The following GNG4 variants were observed in gnomAD, a reference collection of about 807,000 sequenced individuals.
GNG4 encodes guanine nucleotide-binding protein G(I)/G(S)/G(O) subunit gamma-4.
A neutral mutation model predicts 5.8 loss-of-function variants in GNG4; 4 were observed. The observed-to-expected ratio is 0.69, with a 90% CI of 0.34 to 1.57. The LOEUF is 1.57. Ranked by LOEUF, GNG4 falls within the 40% of genes most tolerant of loss-of-function variation. The pLI, the probability that GNG4 is intolerant of heterozygous loss-of-function variation, is 0.06. For synonymous variants in GNG4, 29 were observed against 32.9 expected (o/e 0.88, Z 0.41); for missense variants, 96 against 95.1 (o/e 1.01, Z -0.04).
chr1:235,617,123 T>A (rs971083136), intron 1 of GNG4, among the ~76,000 whole-genome samples: 4 of 152,118 alleles, frequency 2.6e-5, no homozygotes, highest in Non-Finnish European at 4.4e-5. Context: ...GTTAGAAATA[T>A]CAAGAGGTGA....
Position 235,555,555 on chromosome 1 carries a change from G to A in GNG4, c.100-3318C>T, listed in dbSNP as rs59685555. Among the ~76,000 whole-genome samples the A allele has an allele frequency of 6.0e-3, 907 of 151,620 alleles. 7 individuals carry two copies. Among genetic ancestry groups the A allele is most frequent in the African/African-American group, 0.021 (856 of 41,350 alleles). On this transcript the variant is annotated intron_variant, in intron 3 of 3. Transcript: ENST00000391854. ...TTAGCCAGGCATGATAGTGCACACC[G>A]GCAGTCCCAGCTACTTGGGAGGCTG... is the stretch of plus-strand genomic sequence containing the variant.
At chr1:235,553,166 G>A (rs1686799274) in intron 3 of GNG4, among the ~76,000 whole-genome samples, 1 of 152,198 alleles carries the variant, frequency 6.6e-6, no homozygotes, top group African/African-American at 2.4e-5. Context: ...GAAGCCTGCT[G>A]GCGCATGGCA....
At chr1:235,602,341 G>A (rs1688273718) in intron 1 of GNG4, among the ~76,000 whole-genome samples, 1 of 152,184 alleles carries the variant, frequency 6.6e-6, no homozygotes. Flanking sequence ...TGGTTCTGAT[G>A]CTCAAGACAA....
chr1:235,620,102 G>A (rs377722176), intron 1 of GNG4, among the ~76,000 whole-genome samples: 2 of 152,182 alleles, frequency 1.3e-5, no homozygotes, highest in African/African-American at 4.8e-5. Flanking sequence ...GGTGGCTCAC[G>A]CCTGTAATCC....
chr1:235,639,957 GGT>G (rs1174600619), intron 1 of GNG4, among the ~76,000 whole-genome samples: 1 of 152,196 alleles, frequency 6.6e-6, no homozygotes, highest in Non-Finnish European at 1.5e-5. Context: ...GGTGAAGGTA[GGT>G]CTGTGTCCTT....
intron 1 of GNG4, among the ~76,000 whole-genome samples, chr1:235,607,163 T>G (rs1429384902): frequency 6.6e-6 from 1 of 152,018 alleles, no homozygotes; most frequent in Non-Finnish European, 1.5e-5. Flanking sequence ...GCCAGGCTGG[T>G]CTTGAACTCC....
At chr1:235,601,623 C>T (rs1291744948) in intron 1 of GNG4, among the ~76,000 whole-genome samples, 2 of 152,302 alleles carry the variant, frequency 1.3e-5, no homozygotes, top group South Asian at 2.1e-4. Context: ...TGCTCCCCTT[C>T]CTCTCACAGG....
rs1043360170 is a variant in GNG4, at chr1:235,649,631, C to G, written c.-123+31G>C. 1 of 152,190 alleles carries G rather than the reference C, an allele frequency of 6.6e-6. No individual in the cohort carries two copies. The highest frequency in any genetic ancestry group is 1.5e-5 in the Non-Finnish European group (1 of 68,044). The allele number at this position is 152,190 out of a possible 1,614,324, so 9.4% of individuals were successfully genotyped here. ...CACCGGGCTGGGCTCTCCCCGCGGA[C>G]ACCCGGGGCTCCGGCCGGGCGCCCA... On this transcript the variant is annotated intron_variant, in intron 1 of 3. Transcript: ENST00000391854. The surrounding 1 kb of genome is among the most constrained non-coding windows in gnomAD (Gnocchi z 5.7).
intron 3 of GNG4, among the ~76,000 whole-genome samples, chr1:235,581,881 G>C (rs1012436273): frequency 3.3e-5 from 5 of 152,150 alleles, no homozygotes. Flanking sequence ...GTCCTCACAG[G>C]GGCTCCTGGG....
chr1:235,570,119 A>G, intron 3 of GNG4, among the ~76,000 whole-genome samples: 1 of 152,144 alleles, frequency 6.6e-6, no homozygotes, highest in African/African-American at 2.4e-5. Flanking sequence ...AGTATTTTCT[A>G]TTCCATTTAT....
chr1:235,645,797 CAAAAAAAA>C (rs6143682), intron 1 of GNG4, among the ~76,000 whole-genome samples: 42,216 of 90,304 alleles, frequency 0.47, 7,292 homozygotes, highest in Middle Eastern at 0.53. Context: ...AACTCAGTCT[CAAAAAAAA>C]AAAAAAAAAA....
intron 1 of GNG4, among the ~76,000 whole-genome samples, chr1:235,643,359 T>A (rs1054413102): frequency 4.6e-5 from 7 of 152,168 alleles, no homozygotes; most frequent in Non-Finnish European, 1.0e-4. Flanking sequence ...CAAGACTCCC[T>A]CTGTTGTCAC....
chr1:235,561,240 A>C (rs939421467), intron 3 of GNG4, among the ~76,000 whole-genome samples: 1 of 151,880 alleles, frequency 6.6e-6, no homozygotes, highest in Non-Finnish European at 1.5e-5. Flanking sequence ...CGATCTCCTG[A>C]CCTCGTGATC....
At chr1:235,585,190 C>A (rs1381112100) in intron 2 of GNG4, among the ~76,000 whole-genome samples, 1 of 151,482 alleles carries the variant, frequency 6.6e-6, no homozygotes, top group East Asian at 1.9e-4. Flanking sequence ...ACTATTCTTT[C>A]CTATGCTTCT....
At chr1:235,649,813 TC>T, upstream of GNG4, 1 of 148,944 alleles carries the variant, frequency 6.7e-6, no homozygotes, top group Non-Finnish European at 1.5e-5. This position sits in a 1 kb window ranked among gnomAD's most constrained non-coding sequence, Gnocchi z 5.7. Context: ...GGTCTCCGCG[TC>T]CCGTCACCGG....
chr1:235,611,326 C>T (rs1190220596), intron 1 of GNG4, among the ~76,000 whole-genome samples: 3 of 152,172 alleles, frequency 2.0e-5, no homozygotes, highest in Non-Finnish European at 2.9e-5. Flanking sequence ...TGCCACCATG[C>T]TGGACTAATT....
intron 3 of GNG4, among the ~76,000 whole-genome samples, chr1:235,581,138 C>G (rs188434525): frequency 6.6e-6 from 1 of 152,104 alleles, no homozygotes; most frequent in Non-Finnish European, 1.5e-5. Context: ...AAATTGTAAT[C>G]CCCAGTGTTG....
intron 1 of GNG4, among the ~76,000 whole-genome samples, chr1:235,611,594 G>A (rs1571912487): frequency 6.6e-6 from 1 of 152,166 alleles, no homozygotes; most frequent in Non-Finnish European, 1.5e-5. Context: ...GAAGAACTGG[G>A]CACTAATCCC....
intron 1 of GNG4, among the ~76,000 whole-genome samples, chr1:235,633,513 G>T (rs989425501): frequency 6.6e-6 from 1 of 152,030 alleles, no homozygotes; most frequent in Non-Finnish European, 1.5e-5. Context: ...TTTGAGACAG[G>T]GTCTCATTCT....
Sources: gnomAD v4.1 joint callset for allele counts (sites outside exome capture counted in the v4.1 genomes callset) on GRCh38, gnomAD v4.1.1 for gene constraint, Gnocchi (gnomAD v3.1) non-coding constraint, MANE v1.5 for transcripts, NCBI Gene and HGNC (gene_info 2026-07-23, HGNC 2026-07-21) for gene names.